DYNC2H1: variants seen among roughly 807,000 people sequenced by gnomAD.
DYNC2H1 encodes cytoplasmic dynein 2 heavy chain 1.
DYNC2H1 carries 410 observed loss-of-function variants against 570.0 expected under a neutral mutation model. The ratio of observed to expected loss-of-function variants is 0.72; its 90% confidence interval spans 0.66 to 0.78. The LOEUF (loss-of-function observed/expected upper bound fraction) is 0.78, where lower values mean the gene tolerates loss of function less well. Ranked by LOEUF, DYNC2H1 falls within the 30% of genes least tolerant of loss-of-function variation. The pLI is 0.00. For synonymous variants in DYNC2H1, 1,688 were observed against 1,677.6 expected (o/e 1.01, Z -0.15); for missense variants, 4,865 against 5,046.4 (o/e 0.96, Z 1.09).
intron 53 of DYNC2H1, among the ~76,000 whole-genome samples, chr11:103,210,648 A>G (rs1863119855): frequency 6.6e-6 from 1 of 152,106 alleles, no homozygotes; most frequent in Non-Finnish European, 1.5e-5. Flanking sequence ...ACTTCAGACT[A>G]GCAGATATTA....
intron 17 of DYNC2H1, among the ~76,000 whole-genome samples, chr11:103,140,542 A>C (rs180779502): frequency 0.024 from 3,703 of 152,016 alleles, 173 homozygotes; most frequent in African/African-American, 0.084. Flanking sequence ...ATTGGCCCCC[A>C]CTCTCTTCTG....
In DYNC2H1 at chr11:103,109,732, T is replaced by TGCA; in HGVS notation, c.161_163dup (p.Gln54dup). On this transcript the variant is annotated inframe_insertion, in exon 1 of 89. Transcript: ENST00000375735. ...GACGGCAACCAGATGCTCCTCAGGG[T>TGCA]GCAGCGATCCGACGCAGGAATCTCC... The TGCA allele has an allele frequency of 6.2e-7, 1 of 1,613,388 alleles. No individual in the cohort carries two copies. Among genetic ancestry groups the TGCA allele is most frequent in the Non-Finnish European group, 8.5e-7 (1 of 1,179,776 alleles).
intron 75 of DYNC2H1, among the ~76,000 whole-genome samples, chr11:103,292,078 C>T (rs926986594): frequency 6.6e-6 from 1 of 151,492 alleles, no homozygotes; most frequent in Admixed American, 6.6e-5. Flanking sequence ...GGAAAGGACT[C>T]TGGCTATTTT....
chr11:103,345,646 G>A (rs1294453347), intron 82 of DYNC2H1, among the ~76,000 whole-genome samples: 1 of 152,096 alleles, frequency 6.6e-6, no homozygotes, highest in East Asian at 1.9e-4. Flanking sequence ...AGGCTGATGT[G>A]GCTGAAGCAC....
At chr11:103,459,674 C>T (rs1379150399) in intron 87 of DYNC2H1, among the ~76,000 whole-genome samples, 8 of 152,110 alleles carry the variant, frequency 5.3e-5, no homozygotes, top group South Asian at 2.1e-4. Context: ...AAGGAGTGGC[C>T]GGGCGCGGTG....
At chr11:103,328,157 CT>C (rs1399648506) in intron 82 of DYNC2H1, among the ~76,000 whole-genome samples, 1 of 152,066 alleles carries the variant, frequency 6.6e-6, no homozygotes, top group Non-Finnish European at 1.5e-5. Context: ...TTTATGAATA[CT>C]TTTGGGATGA....
chr11:103,399,879 G>C lies in DYNC2H1; in HGVS notation c.12366+7G>C. ...TGCTTTATTAAACCAAAAGGTAAGC[G>C]AGTACTAACTGTATGTATTTTTATT... On this transcript the variant is annotated splice_region_variant and intron_variant, in intron 84 of 88. Coordinates refer to ENST00000375735, the MANE Select transcript of DYNC2H1 (RefSeq NM_001377.3). 1.9e-6 allele frequency: 3 copies of C among 1,608,402 alleles called. No homozygotes were observed. Among genetic ancestry groups the C allele is most frequent in the Non-Finnish European group, 2.6e-6 (3 of 1,175,510 alleles).
At chr11:103,207,239 TTTTAA>T (rs1230030289) in intron 52 of DYNC2H1, among the ~76,000 whole-genome samples, 63 of 16,374 alleles carry the variant, frequency 3.8e-3, no homozygotes, top group African/African-American at 0.032. Context: ...TTTTTTTTTT[TTTTAA>T]AAAAAGATGG....
At position 103,177,458 on chromosome 11, in the gene DYNC2H1, C is replaced by A; in HGVS notation, c.5875-98C>A. 1 of 1,259,570 alleles carries A rather than the reference C, an allele frequency of 7.9e-7. No individual in the cohort carries two copies. The highest frequency in any genetic ancestry group is 1.1e-6 in the Non-Finnish European group (1 of 931,022). The allele number at this position is 1,259,570 out of a possible 1,614,324, so 78.0% of individuals were successfully genotyped here. On this transcript the variant is annotated intron_variant, in intron 37 of 88. Coordinates refer to ENST00000375735, the MANE Select transcript of DYNC2H1 (RefSeq NM_001377.3). The surrounding 1 kb of genome is among the most constrained non-coding windows in gnomAD (Gnocchi z 4.4). Reference sequence around the variant, plus strand: ...TACCTTCCACTGAAGAAATCAAAGGCTTAATTTACACATTAGAACAAGTGT... The same window carrying A: ...TACCTTCCACTGAAGAAATCAAAGGATTAATTTACACATTAGAACAAGTGT...
Position 103,163,069 on chromosome 11 carries a change from G to A in DYNC2H1, c.4533G>A (p.Leu1511=). The change falls in exon 30 of 89, where the codon TTG becomes TTA. Residue 1511 remains leucine, a synonymous_variant. Coordinates refer to ENST00000375735, the MANE Select transcript of DYNC2H1 (RefSeq NM_001377.3). This position sits in a 1 kb window ranked among gnomAD's most constrained non-coding sequence, Gnocchi z 4.6. ...TGGCCTTAGAAATGAAGAAAACTTT[G>A]GAACAGTTGTTGAAGGAATGTGTTA... ...NDLALEMKKT[L]EQLLKECVTT... 1 of 1,612,860 alleles carries A rather than the reference G, an allele frequency of 6.2e-7. No homozygotes were observed. The highest frequency in any genetic ancestry group is 8.5e-7 in the Non-Finnish European group (1 of 1,179,162).
In DYNC2H1 at chr11:103,256,355, C is replaced by G. The variant is rs2135263555; in HGVS notation, c.10461+115C>G. On this transcript the variant is annotated intron_variant, in intron 68 of 88. Coordinates refer to ENST00000375735, the MANE Select transcript of DYNC2H1 (RefSeq NM_001377.3). This position sits in a 1 kb window ranked among gnomAD's most constrained non-coding sequence, Gnocchi z 4.0. ...GAAAGATGATGTGAAAAGAAAAAAG[C>G]TATTCAAAAACATCAGAACATTGGG... 2 of 1,096,078 alleles carry G rather than the reference C, an allele frequency of 1.8e-6. No individual in the cohort carries two copies. The highest frequency in any genetic ancestry group is 2.7e-5 in the East Asian group (1 of 37,324). 67.9% of individuals were successfully genotyped at this position (1,096,078 alleles called of 1,614,324 possible).
At chr11:103,233,541 G>T (rs1325832767) in intron 60 of DYNC2H1, among the ~76,000 whole-genome samples, 1 of 151,702 alleles carries the variant, frequency 6.6e-6, no homozygotes. Context: ...TGTTAGAGGG[G>T]GTTGGGCTGT....
At position 103,133,659 on chromosome 11, in the gene DYNC2H1, C is replaced by T. The variant is rs1320055038; in HGVS notation, c.2058C>T (p.Ala686=). The T allele has an allele frequency of 2.5e-6, 4 of 1,612,604 alleles. No homozygotes were observed. Among genetic ancestry groups the T allele is most frequent in the Non-Finnish European group, 3.4e-6 (4 of 1,179,436 alleles). The change falls in exon 14 of 89, where the codon GCC becomes GCT. Residue 686 remains alanine (A), a synonymous_variant. Coordinates refer to ENST00000375735, the MANE Select transcript of DYNC2H1 (RefSeq NM_001377.3). This position sits in a 1 kb window ranked among gnomAD's most constrained non-coding sequence, Gnocchi z 4.8. ...TCCAAAATGCTGCTGAACGGCTTGC[C>T]ACTGAAAATAGAAAACTGAGAAAAT... ...QKLQNAAERL[A]TENRKLRKWH... is the part of the protein sequence containing the mutation.
intron 87 of DYNC2H1, among the ~76,000 whole-genome samples, chr11:103,463,751 C>A (rs958122895): frequency 1.3e-5 from 2 of 152,018 alleles, no homozygotes; most frequent in African/African-American, 4.8e-5. Context: ...GACCCTGCCG[C>A]AAATAACCAA....
chr11:103,390,838 G>A (rs1221200043), intron 83 of DYNC2H1, among the ~76,000 whole-genome samples: 1 of 152,154 alleles, frequency 6.6e-6, no homozygotes, highest in African/African-American at 2.4e-5. Context: ...ACTCTCTTCT[G>A]GCTTGTAGAG....
At chr11:103,125,477 T>C (rs988468944) in intron 12 of DYNC2H1, among the ~76,000 whole-genome samples, 182 bp downstream of exon 12, 23 of 152,186 alleles carry the variant, frequency 1.5e-4, no homozygotes, top group African/African-American at 5.5e-4. Flanking sequence ...AGGAATTTAT[T>C]AAATTATTAT....
intron 83 of DYNC2H1, among the ~76,000 whole-genome samples, chr11:103,361,206 C>T (rs959600027): frequency 2.6e-5 from 4 of 152,112 alleles, no homozygotes; most frequent in Non-Finnish European, 5.9e-5. Context: ...TAGATGGGGT[C>T]TTTGGGAGGT....
Position 103,268,984 on chromosome 11 carries a change from G to C in DYNC2H1, c.10695+9007G>C, listed in dbSNP as rs1865603651. On this transcript the variant is annotated intron_variant, in intron 70 of 88. Transcript: ENST00000375735. This position sits in a 1 kb window ranked among gnomAD's most constrained non-coding sequence, Gnocchi z 4.6. ...TTAGTGGACTATAGTGACTGCAGTG[G>C]GATTATTTCTTTGAAGTTACTTTAA... Among the ~76,000 whole-genome samples the C allele has an allele frequency of 6.6e-6, 1 of 151,900 alleles. No homozygotes were observed. Among genetic ancestry groups the C allele is most frequent in the Non-Finnish European group, 1.5e-5 (1 of 67,930 alleles).
chr11:103,128,955 C>T lies in DYNC2H1; in HGVS notation c.1903C>T (p.Gln635Ter). The change falls in exon 13 of 89, where the codon CAG becomes TAG. Residue 635 changes from glutamine to a stop codon, truncating the protein, a stop_gained. Coordinates refer to ENST00000375735, the MANE Select transcript of DYNC2H1 (RefSeq NM_001377.3). LOFTEE classifies it high-confidence loss of function. ...TATTGATCAACAAATGATTCAAAGT[C>T]AGAGGCCAATGATGTTACAATCTGC... ...NSIDQQMIQS[Q>*]RPMMLQSALA... 2.5e-6 allele frequency: 4 copies of T among 1,603,148 alleles called. No individual in the cohort carries two copies. The highest frequency in any genetic ancestry group is 3.4e-6 in the Non-Finnish European group (4 of 1,175,970).
Sources: allele counts gnomAD v4.1 joint callset (sites outside exome capture counted in the v4.1 genomes callset), GRCh38; gene constraint gnomAD v4.1.1; non-coding constraint Gnocchi (gnomAD v3.1); transcripts MANE v1.5; gene names NCBI Gene and HGNC (gene_info 2026-07-23, HGNC 2026-07-21).